The following EBNA1BP2 variants were observed in gnomAD, a reference collection of about 807,000 sequenced individuals.
EBNA1BP2 encodes probable rRNA-processing protein EBP2.
EBNA1BP2 carries 36 observed loss-of-function variants against 43.5 expected under a neutral mutation model. That is an observed-to-expected ratio of 0.83 (90% CI 0.63 to 1.09). The LOEUF (loss-of-function observed/expected upper bound fraction) is 1.09, where lower values mean the gene tolerates loss of function less well. Ranked by LOEUF, EBNA1BP2 falls within the 50% of genes least tolerant of loss-of-function variation. The probability of loss-of-function intolerance (pLI) is 0.00; values close to 1 mark genes in which losing one functional copy is unlikely to be tolerated. For missense variants in EBNA1BP2, 332 were observed against 379.1 expected, an observed-to-expected ratio of 0.88 and a Z score of 1.03; for synonymous variants, 127 against 141.3, an observed-to-expected ratio of 0.90 and a Z score of 0.72.
intron 4 of EBNA1BP2, among the ~76,000 whole-genome samples, chr1:43,169,943 A>C (rs1455235013): frequency 6.9e-6 from 1 of 144,922 alleles, no homozygotes; most frequent in African/African-American, 2.5e-5. Context: ...TCCTTATGAG[A>C]ATCTAATGCC....
chr1:43,167,224 C>T lies in EBNA1BP2; in HGVS notation c.549G>A (p.Glu183=), dbSNP rs1415845978. Residue 183 remains glutamate (E), a synonymous_variant, in exon 6 of 9, where the codon GAG becomes GAA. Transcript: ENST00000236051. ...LRKYGKKVQT[E]VLQKRQQEKA... ...TCTCCTGCTGCCTCTTCTGAAGAAC[C>T]TCCGTTTGCACCTGTGATATGAACA... 7 of 1,614,024 alleles carry T rather than the reference C, an allele frequency of 4.3e-6. No homozygotes were observed. In the African/African-American group the frequency reaches 5.3e-5, roughly 12 times the overall value.
At chr1:43,171,855 C>G in intron 2 of EBNA1BP2, 31 bp downstream of exon 2, 1 of 1,610,780 alleles carries the variant, frequency 6.2e-7, no homozygotes, top group Non-Finnish European at 8.5e-7. Flanking sequence ...ATCCCATGTC[C>G]GAGTACCCCC....
upstream of EBNA1BP2, chr1:43,172,314 TC>T: frequency 6.4e-7 from 1 of 1,551,710 alleles, no homozygotes; most frequent in Non-Finnish European, 8.7e-7. Context: ...GACTTCCGCT[TC>T]CGGCGGCAAA....
In EBNA1BP2 at chr1:43,166,604, CA is replaced by C. The variant is rs911847583; in HGVS notation, c.707+221del. Among the ~76,000 whole-genome samples the C allele has an allele frequency of 2.8e-3, 407 of 147,084 alleles. 5 individuals are homozygous for C. The highest frequency in any genetic ancestry group is 1.9e-3 in the Non-Finnish European group (127 of 66,290). On this transcript the variant is annotated intron_variant, in intron 7 of 8. Coordinates refer to ENST00000236051, the MANE Select transcript of EBNA1BP2 (RefSeq NM_006824.3). ...GCCTGAGTGACAGAATGAGACTGTC[CA>C]AAAAAAAAAGAAGTTTAAAAAGTGC...
intron 2 of EBNA1BP2, 92 bp downstream of exon 2, chr1:43,171,794 T>C (rs11585367): frequency 2.8e-4 from 436 of 1,576,280 alleles, no homozygotes; most frequent in Non-Finnish European, 3.5e-4. Context: ...GCAGGGTGCA[T>C]CTTTCCTGGG....
chr1:43,170,572 T>C (rs1483373643), intron 4 of EBNA1BP2, among the ~76,000 whole-genome samples, 184 bp downstream of exon 4: 1 of 152,202 alleles, frequency 6.6e-6, no homozygotes, highest in African/African-American at 2.4e-5. Context: ...AAAAATGTCA[T>C]TTTTATATGC....
intron 4 of EBNA1BP2, 118 bp from the exon 5 acceptor site, chr1:43,169,146 A>T: frequency 9.2e-7 from 1 of 1,089,690 alleles, no homozygotes; most frequent in Non-Finnish European, 1.4e-6. Context: ...CTTATAAATC[A>T]TCAGTTCCAA....
At chr1:43,167,038 C>A in intron 6 of EBNA1BP2, 119 bp from the exon 7 acceptor site, 1 of 1,481,346 alleles carries the variant, frequency 6.8e-7, no homozygotes. Context: ...TGCTCTCCAA[C>A]ACCATTCCCA....
Position 43,164,324 on chromosome 1 carries a change from T to C in EBNA1BP2, c.*119A>G. ...AAGGTATGTGTTCCTTTAATAATTT[T>C]TCTTTAGTTTATTGAAAGAAATGTT... On this transcript the variant is annotated 3_prime_UTR_variant, in exon 9 of 9. Coordinates refer to ENST00000236051, the MANE Select transcript of EBNA1BP2 (RefSeq NM_006824.3). The C allele has an allele frequency of 8.3e-7, 1 of 1,204,328 alleles. No individual in the cohort carries two copies. Among genetic ancestry groups the C allele is most frequent in the Non-Finnish European group, 1.2e-6 (1 of 838,266 alleles). The allele number at this position is 1,204,328 out of a possible 1,614,324, so 74.6% of individuals were successfully genotyped here. A position where few individuals can be genotyped will look rare whatever the true frequency, so the allele number is the denominator to read the frequency against.
chr1:43,164,836 A>G, intron 7 of EBNA1BP2, 31 bp from the exon 8 acceptor site: 1 of 1,610,836 alleles, frequency 6.2e-7, no homozygotes, highest in South Asian at 1.1e-5. Flanking sequence ...ACATCACTAC[A>G]GCACTGTAAA....
chr1:43,169,339 G>A (rs559484615), intron 4 of EBNA1BP2, among the ~76,000 whole-genome samples: 3 of 152,172 alleles, frequency 2.0e-5, no homozygotes, highest in Non-Finnish European at 4.4e-5. Context: ...GACTGAGGCT[G>A]GAAACCAGTA....
At chr1:43,172,394 T>G, upstream of EBNA1BP2, 1 of 1,551,400 alleles carries the variant, frequency 6.4e-7, no homozygotes, top group Non-Finnish European at 8.7e-7. Flanking sequence ...TTGCTTAGGA[T>G]CCCTACAGGT....
At chr1:43,172,390 A>G, upstream of EBNA1BP2, 1 of 1,551,556 alleles carries the variant, frequency 6.4e-7, no homozygotes, top group Non-Finnish European at 8.7e-7. Flanking sequence ...CGGGTTGCTT[A>G]GGATCCCTAC....
Position 43,167,228 on chromosome 1 carries a change from G to A in EBNA1BP2, c.545C>T (p.Thr182Met), listed in dbSNP as rs1007427341. 7 of 1,613,840 alleles carry A rather than the reference G, an allele frequency of 4.3e-6. No individual in the cohort carries two copies. In the Admixed American group the frequency reaches 6.7e-5, roughly 15 times the overall value. The change falls in exon 6 of 9, where the codon ACG becomes ATG. Residue 182 changes from threonine to methionine, a missense_variant. Transcript: ENST00000236051. The stretch of plus-strand genomic sequence containing the variant: ...CTGCTGCCTCTTCTGAAGAACCTCC[G>A]TTTGCACCTGTGATATGAACACAAG... ...ALRKYGKKVQ[T>M]EVLQKRQQEK...
intron 2 of EBNA1BP2, 102 bp downstream of exon 2, chr1:43,171,784 G>A (rs1644977132): frequency 6.4e-7 from 1 of 1,566,138 alleles, no homozygotes; most frequent in Non-Finnish European, 8.7e-7. Flanking sequence ...TTGGCGAGGC[G>A]CAGGGTGCAT....
intron 7 of EBNA1BP2, 70 bp from the exon 8 acceptor site, chr1:43,164,875 C>A: frequency 6.4e-7 from 1 of 1,567,792 alleles, no homozygotes. Context: ...CCCAGCAATG[C>A]TCTCAGTTTC....
intron 2 of EBNA1BP2, 105 bp downstream of exon 2, chr1:43,171,781 G>A: frequency 1.9e-6 from 3 of 1,565,574 alleles, no homozygotes; most frequent in South Asian, 1.2e-5. Context: ...CTCTTGGCGA[G>A]GCGCAGGGTG....
At chr1:43,168,826 A>G in intron 5 of EBNA1BP2, 113 bp downstream of exon 5, 1 of 1,072,342 alleles carries the variant, frequency 9.3e-7, no homozygotes, top group Non-Finnish European at 1.4e-6. Context: ...AGAGACGGTA[A>G]ATACATGATC....
At chr1:43,172,345 T>G, upstream of EBNA1BP2, 1 of 1,551,586 alleles carries the variant, frequency 6.4e-7, no homozygotes, top group South Asian at 1.2e-5. Flanking sequence ...CGGTTTGTCG[T>G]TGCTATAGGA....
Sources: gnomAD v4.1 joint callset for allele counts (sites outside exome capture counted in the v4.1 genomes callset) on GRCh38, gnomAD v4.1.1 for gene constraint, MANE v1.5 for transcripts, NCBI Gene and HGNC (gene_info 2026-07-23, HGNC 2026-07-21) for gene names.